The following ZNF544 variants were observed in gnomAD, a reference collection of about 807,000 sequenced individuals.
ZNF544 encodes the protein zinc finger protein AF020591.
A neutral mutation model predicts 13.5 loss-of-function variants in ZNF544; 10 were observed. The observed-to-expected ratio is 0.74, with a 90% CI of 0.46 to 1.25. ZNF544 has a LOEUF of 1.25. Ranked by LOEUF, ZNF544 falls within the 50% of genes most tolerant of loss-of-function variation. The probability of loss-of-function intolerance (pLI) is 0.00; values close to 1 mark genes in which losing one functional copy is unlikely to be tolerated. For synonymous variants in ZNF544, 323 were observed against 300.5 expected (o/e 1.07, Z -0.77); for missense variants, 896 against 845.6 (o/e 1.06, Z -0.74).
intron 6 of ZNF544, 37 bp from the exon 7 acceptor site, chr19:58,260,814 C>T (rs1298547105): frequency 2.0e-6 from 3 of 1,517,234 alleles, no homozygotes; most frequent in African/African-American, 1.4e-5. Context: ...CCCTCTGATG[C>T]TTCTCCAGTA....
chr19:58,274,266 G>A (rs2051046653), intron 5 of ZNF544, among the ~76,000 whole-genome samples: 2 of 152,100 alleles, frequency 1.3e-5, no homozygotes, highest in Admixed American at 1.3e-4. Context: ...CTAACCCATA[G>A]TACCTCAGAC....
At chr19:58,268,637 G>A (rs2050231886), downstream of ZNF544, among the ~76,000 whole-genome samples, 7 of 152,226 alleles carry the variant, frequency 4.6e-5, 2 homozygotes, top group South Asian at 1.4e-3. Context: ...GCTGGAGCCA[G>A]CCTGCACAAT....
At chr19:58,243,893 T>A (rs1233989826) in intron 3 of ZNF544, 72 bp from the exon 4 acceptor site, 1 of 1,306,824 alleles carries the variant, frequency 7.7e-7, no homozygotes, top group East Asian at 2.7e-5. Context: ...CCCCGCGTTC[T>A]CTAGGGTGGG....
At chr19:58,269,414 C>T (rs917781205) in intron 5 of ZNF544, among the ~76,000 whole-genome samples, 4 of 143,766 alleles carry the variant, frequency 2.8e-5, no homozygotes, top group African/African-American at 1.0e-4. Context: ...CAGCCTTGGG[C>T]GACAAAGCGA....
chr19:58,251,869 A>G (rs1352221545), intron 6 of ZNF544, among the ~76,000 whole-genome samples: 2 of 152,206 alleles, frequency 1.3e-5, no homozygotes, highest in Non-Finnish European at 2.9e-5. Context: ...TGAGGTCTCC[A>G]TGCTGAATGT....
chr19:58,239,555 AAAAG>A, intron 3 of ZNF544, among the ~76,000 whole-genome samples: 1 of 152,184 alleles, frequency 6.6e-6, no homozygotes, highest in East Asian at 1.9e-4. Context: ...CAGAACTCTG[AAAAG>A]CTCTTATATT....
At chr19:58,248,109 T>G (rs1228000698) in intron 6 of ZNF544, among the ~76,000 whole-genome samples, 1 of 152,016 alleles carries the variant, frequency 6.6e-6, no homozygotes, top group East Asian at 1.9e-4. Context: ...AGTCAGAGTT[T>G]CACCATGTTG....
chr19:58,276,322 G>C lies in ZNF544; in HGVS notation c.245-1G>C. 8.1e-7 allele frequency: 1 copy of C among 1,230,996 alleles called. No homozygotes were observed. The highest frequency in any genetic ancestry group is 1.0e-6 in the Non-Finnish European group (1 of 987,336). 76.3% of individuals were successfully genotyped at this position (1,230,996 alleles called of 1,614,324 possible). On this transcript the variant is annotated splice_acceptor_variant, in intron 5 of 6. Transcript: ENST00000595981. LOFTEE classifies it high-confidence loss of function. ...CCTCCTAGTACCTTCTCTGCCTACA[G>C]AGAAGGGGATGCTGCCTGGGAGCTT...
chr19:58,260,921 C>G lies in ZNF544; in HGVS notation c.315C>G (p.His105Gln). 1 of 1,613,968 alleles carries G rather than the reference C, an allele frequency of 6.2e-7. No homozygotes were observed. Among genetic ancestry groups the G allele is most frequent in the African/African-American group, 1.3e-5 (1 of 75,016 alleles). Residue 105 changes from histidine to glutamine, a missense_variant, in exon 7 of 7, where the codon CAC becomes CAG. His to Gln is a conservative substitution (Grantham distance 24). Coordinates refer to ENST00000687789, the MANE Select transcript of ZNF544 (RefSeq NM_014480.4). The stretch of plus-strand genomic sequence containing the variant: ...ATCGAGCTAGGGAAGAACTATCCCA[C>G]CACGTGGAAGTGTACAGGAGTGGAC... ...EKDRAREELS[H>Q]HVEVYRSGPE...
intron 6 of ZNF544, chr19:58,259,447 G>C (rs2048406949): frequency 6.6e-6 from 1 of 152,302 alleles, no homozygotes; most frequent in African/African-American, 2.4e-5. Flanking sequence ...CCACCAACCT[G>C]TTGGCTTAAA....
At chr19:58,256,302 CTTG>C (rs1315062007) in intron 6 of ZNF544, among the ~76,000 whole-genome samples, 1 of 150,802 alleles carries the variant, frequency 6.6e-6, no homozygotes, top group Non-Finnish European at 1.5e-5. Context: ...GAGATGGAGT[CTTG>C]TTGTACCCAA....
At chr19:58,246,278 C>T (rs2045197409) in intron 4 of ZNF544, 23 bp from the exon 5 acceptor site, 1 of 1,613,570 alleles carries the variant, frequency 6.2e-7, no homozygotes, top group Admixed American at 1.7e-5. Context: ...GGTCTCTGAG[C>T]AGTAACAAGT....
intron 6 of ZNF544, chr19:58,276,480 A>C (rs2051231192): frequency 8.9e-7 from 1 of 1,126,994 alleles, no homozygotes; most frequent in Non-Finnish European, 1.1e-6. Flanking sequence ...ATTTTATTTT[A>C]TTTTTGAGAT....
intron 6 of ZNF544, chr19:58,257,362 G>C (rs1046169027): frequency 1.3e-5 from 2 of 152,256 alleles, no homozygotes; most frequent in African/African-American, 2.4e-5. Flanking sequence ...ACTGGTCGCA[G>C]AATTTTCTGG....
intron 3 of ZNF544, among the ~76,000 whole-genome samples, chr19:58,242,031 G>A (rs1008479944): frequency 5.3e-5 from 8 of 152,144 alleles, no homozygotes; most frequent in African/African-American, 1.9e-4. Flanking sequence ...GACCTGCGAA[G>A]CTCATGCCTA....
At chr19:58,238,575 G>A (rs897525062) in intron 3 of ZNF544, among the ~76,000 whole-genome samples, 5 of 152,124 alleles carry the variant, frequency 3.3e-5, no homozygotes, top group African/African-American at 1.2e-4. Context: ...GTACACGTGT[G>A]AGCATCGATG....
In ZNF544 at chr19:58,262,498, C is replaced by T. The variant is rs376717979; in HGVS notation, c.1892C>T (p.Pro631Leu). 1.5e-5 allele frequency: 24 copies of T among 1,614,136 alleles called. No homozygotes were observed. The South Asian group carries it at 1.5e-4, about 10-fold the overall frequency. Reference sequence around the variant, plus strand: ...CTGCAAATTCACACTGGGGAGAAGCCGTACAAATGCAATCAGTGCAATAAA... The same window carrying T: ...CTGCAAATTCACACTGGGGAGAAGCTGTACAAATGCAATCAGTGCAATAAA... ...RHLQIHTGEK[P>L]YKCNQCNKAF... Residue 631 changes from proline (P) to leucine (L), a missense_variant, in exon 7 of 7, where the codon CCG becomes CTG. Physicochemically the swap from Pro to Leu is moderately conservative, Grantham distance 98 (BLOSUM62 -3). Transcript: ENST00000687789.
Position 58,262,287 on chromosome 19 carries a change from T to C in ZNF544, c.1681T>C (p.Ser561Pro). The C allele has an allele frequency of 6.2e-7, 1 of 1,613,574 alleles. No individual in the cohort carries two copies. The highest frequency in any genetic ancestry group is 8.5e-7 in the Non-Finnish European group (1 of 1,179,936). Residue 561 changes from serine (S) to proline (P), a missense_variant, in exon 7 of 7, where the codon TCT becomes CCT. Physicochemically the swap from Ser to Pro is moderately conservative, Grantham distance 74 (BLOSUM62 -1). Coordinates refer to ENST00000687789, the MANE Select transcript of ZNF544 (RefSeq NM_014480.4). ...ATGTGGGAAATCCTTCAGATGGAAC[T>C]CTAACCTCGTCATACATCAGAGAAT... The part of the protein sequence containing the change: ...IECGKSFRWN[S>P]NLVIHQRIHT...
intron 5 of ZNF544, among the ~76,000 whole-genome samples, chr19:58,273,163 A>G (rs1366025207): frequency 3.3e-5 from 5 of 151,822 alleles, no homozygotes; most frequent in African/African-American, 1.2e-4. Flanking sequence ...CCTGGGCAAC[A>G]AGAGCGAAAC....
Sources: gnomAD v4.1 joint callset for allele counts (sites outside exome capture counted in the v4.1 genomes callset) on GRCh38, gnomAD v4.1.1 for gene constraint, MANE v1.5 for transcripts, NCBI Gene and HGNC (gene_info 2026-07-23, HGNC 2026-07-21) for gene names.